PDE7B: variants seen among roughly 807,000 people sequenced by gnomAD.
The protein encoded by PDE7B is 3',5'-cyclic-AMP phosphodiesterase 7B.
In PDE7B, 29 loss-of-function variants were observed where a neutral mutation model predicts 56.2. The observed-to-expected ratio is 0.52, with a 90% CI of 0.38 to 0.70. The LOEUF is 0.70. Among genes scored for constraint, PDE7B ranks in the 30% least tolerant of loss-of-function variants. The pLI, the probability that PDE7B is intolerant of heterozygous loss-of-function variation, is 0.00. For synonymous variants in PDE7B, 197 were observed against 196.9 expected, an observed-to-expected ratio of 1.00 and a Z score of 0.00; for missense variants, 490 against 565.0, an observed-to-expected ratio of 0.87 and a Z score of 1.35.
chr6:136,154,466 C>T (rs905789107), intron 7 of PDE7B, among the ~76,000 whole-genome samples: 36 of 151,180 alleles, frequency 2.4e-4, no homozygotes, highest in Non-Finnish European at 5.2e-4. Context: ...ATCTTAGATA[C>T]CTTCAACAGT....
At chr6:135,937,536 C>A in intron 1 of PDE7B, among the ~76,000 whole-genome samples, 1 of 152,226 alleles carries the variant, frequency 6.6e-6, no homozygotes, top group Non-Finnish European at 1.5e-5. Context: ...CTTGCACCTC[C>A]AACCTTCACT....
Position 136,192,541 on chromosome 6 carries a change from G to A in PDE7B, c.*701G>A, listed in dbSNP as rs1480475639. The A allele has an allele frequency of 1.3e-5, 2 of 152,564 alleles. No homozygotes were observed. Among genetic ancestry groups the A allele is most frequent in the Non-Finnish European group, 2.9e-5 (2 of 68,034 alleles). 9.5% of individuals were successfully genotyped at this position (152,564 alleles called of 1,614,324 possible). A position where few individuals can be genotyped will look rare whatever the true frequency, so the allele number is the denominator to read the frequency against. ...CCACGTTTCCTATCCAATCCGAAGG[G>A]AAGGTGCTGTACAGTTCATTCCTTT... On this transcript the variant is annotated 3_prime_UTR_variant, in exon 13 of 13. Transcript: ENST00000308191.
At chr6:136,074,900 G>C (rs1777106595) in intron 2 of PDE7B, among the ~76,000 whole-genome samples, 1 of 152,122 alleles carries the variant, frequency 6.6e-6, no homozygotes, top group South Asian at 2.1e-4. Flanking sequence ...GGAGTGCAGG[G>C]AGCTTTTCAA....
chr6:135,910,585 T>G (rs1255009372), intron 1 of PDE7B, among the ~76,000 whole-genome samples: 1 of 152,144 alleles, frequency 6.6e-6, no homozygotes, highest in Non-Finnish European at 1.5e-5. Context: ...TGACACATCA[T>G]TATCATCCTA....
At chr6:135,867,642 T>G (rs1342326833) in intron 1 of PDE7B, among the ~76,000 whole-genome samples, 3 of 152,192 alleles carry the variant, frequency 2.0e-5, no homozygotes, top group Admixed American at 6.5e-5. Context: ...TGGTAAGTTT[T>G]ATGAAACGTT....
intron 2 of PDE7B, among the ~76,000 whole-genome samples, chr6:136,072,232 G>A (rs990326122): frequency 1.1e-4 from 16 of 152,162 alleles, no homozygotes; most frequent in African/African-American, 3.9e-4. Flanking sequence ...GCGGGGAGGC[G>A]AGGAGAGAGA....
Position 135,935,218 on chromosome 6 carries a change from T to TATATATATATATATATATATATATATA in PDE7B, c.22-12246_22-12245insATATATATATATATATATATATATATA, listed in dbSNP as rs1457746105. Among the ~76,000 whole-genome samples, 71 of 34,704 alleles carry TATATATATATATATATATATATATATA rather than the reference T, an allele frequency of 2.0e-3. 7 individuals are homozygous for TATATATATATATATATATATATATATA. Among genetic ancestry groups the TATATATATATATATATATATATATATA allele is most frequent in the East Asian group, 5.9e-3 (6 of 1,024 alleles). 22.8% of individuals were successfully genotyped at this position (34,704 alleles called of 152,430 possible). A position where few individuals can be genotyped will look rare whatever the true frequency, so the allele number is the denominator to read the frequency against. ...TATATATATATATATATATATATATTTTCATGATTCTTGCTCTCCAGGAAA... is the reference window on the plus strand; with the variant it reads ...TATATATATATATATATATATATATTATATATATATATATATATATATATATATTCATGATTCTTGCTCTCCAGGAAA... On this transcript the variant is annotated intron_variant, in intron 1 of 12. Transcript: ENST00000308191.
intron 3 of PDE7B, among the ~76,000 whole-genome samples, chr6:136,118,979 C>T (rs1025929947): frequency 2.6e-5 from 4 of 152,148 alleles, no homozygotes; most frequent in South Asian, 4.1e-4. Context: ...CACATTTCAT[C>T]GCCTGACCTT....
intron 1 of PDE7B, among the ~76,000 whole-genome samples, chr6:135,938,347 A>T (rs1404395609): frequency 1.3e-5 from 2 of 152,242 alleles, no homozygotes; most frequent in African/African-American, 4.8e-5. Context: ...CTGAGACAAT[A>T]AGTAAAAGAT....
chr6:136,095,342 T>G (rs1396999922), intron 2 of PDE7B, among the ~76,000 whole-genome samples: 1 of 152,178 alleles, frequency 6.6e-6, no homozygotes, highest in Non-Finnish European at 1.5e-5. Flanking sequence ...ACATATGTTC[T>G]ATATTTATAT....
At position 135,906,824 on chromosome 6, in the gene PDE7B, T is replaced by TG. The variant is rs1554265685; in HGVS notation, c.22-40640_22-40639insG. Among the ~76,000 whole-genome samples the TG allele has an allele frequency of 9.5e-5, 14 of 146,806 alleles. No homozygotes were observed. In the South Asian group the frequency reaches 1.3e-3, roughly 14 times the overall value. On this transcript the variant is annotated intron_variant, in intron 1 of 12. Coordinates refer to ENST00000308191, the MANE Select transcript of PDE7B (RefSeq NM_018945.4). ...TAATGAGGTTTGTTTTTTTTTTTTTTTTTTTTTTTTTTAATCCTCTAGGCT... is the reference window on the plus strand; with the variant it reads ...TAATGAGGTTTGTTTTTTTTTTTTTTGTTTTTTTTTTTTAATCCTCTAGGCT...
chr6:135,943,579 G>T (rs531445575), intron 1 of PDE7B, among the ~76,000 whole-genome samples: 1 of 152,224 alleles, frequency 6.6e-6, no homozygotes, highest in African/African-American at 2.4e-5. Context: ...GTATTCCATA[G>T]TGAGTGGTAC....
chr6:136,056,618 G>A (rs1450692972), intron 2 of PDE7B, among the ~76,000 whole-genome samples: 1 of 126,058 alleles, frequency 7.9e-6, no homozygotes, highest in Non-Finnish European at 1.6e-5. Context: ...TGCAACCTCC[G>A]CCTCCTGGGT....
At chr6:135,908,864 A>G (rs754688994) in intron 1 of PDE7B, among the ~76,000 whole-genome samples, 14 of 152,224 alleles carry the variant, frequency 9.2e-5, no homozygotes, top group Non-Finnish European at 7.3e-5. Context: ...AAACACCAGC[A>G]TCAAGTAGAA....
intron 9 of PDE7B, among the ~76,000 whole-genome samples, chr6:136,177,741 C>T (rs368418283): frequency 2.6e-5 from 4 of 151,958 alleles, no homozygotes; most frequent in Admixed American, 2.0e-4. Context: ...ATAAACATAC[C>T]CTGTCATCCA....
At chr6:135,906,827 T>TTTTTTTTTTTTTTTTTTTG (rs1554265693) in intron 1 of PDE7B, among the ~76,000 whole-genome samples, 21 of 133,540 alleles carry the variant, frequency 1.6e-4, no homozygotes, top group Non-Finnish European at 2.9e-4. Context: ...TTTTTTTTTT[T>TTTTTTTTTTTTTTTTTTTG]TTTTTTTTTA....
intron 1 of PDE7B, among the ~76,000 whole-genome samples, chr6:135,853,694 G>A (rs1344955713): frequency 6.6e-6 from 1 of 152,108 alleles, no homozygotes; most frequent in African/African-American, 2.4e-5. Context: ...AAAATCAGTG[G>A]TGACTATATG....
intron 2 of PDE7B, among the ~76,000 whole-genome samples, chr6:136,059,974 T>C (rs1468504303): frequency 6.6e-6 from 1 of 152,152 alleles, no homozygotes; most frequent in Non-Finnish European, 1.5e-5. Flanking sequence ...CCCTTCCCTT[T>C]GAGAATTTTC....
intron 1 of PDE7B, among the ~76,000 whole-genome samples, chr6:135,874,885 T>C (rs535309683): frequency 1.3e-5 from 2 of 152,272 alleles, no homozygotes; most frequent in African/African-American, 4.8e-5. Flanking sequence ...TCCTTGTAAT[T>C]CTGTCAATTT....
Sources: gnomAD v4.1 joint callset for allele counts (sites outside exome capture counted in the v4.1 genomes callset) on GRCh38, gnomAD v4.1.1 for gene constraint, MANE v1.5 for transcripts, NCBI Gene and HGNC (gene_info 2026-07-23, HGNC 2026-07-21) for gene names.